The following CLEC16A variants were observed in gnomAD, a reference collection of about 807,000 sequenced individuals.
CLEC16A encodes the protein C-type lectin domain containing 16A, also known as protein CLEC16A.
Under a neutral mutation model 109.5 loss-of-function variants are expected in CLEC16A, and 51 were observed. The observed-to-expected ratio is 0.47, with a 90% CI of 0.37 to 0.59. CLEC16A has a LOEUF of 0.59. Among genes scored for constraint, CLEC16A ranks in the 20% least tolerant of loss-of-function variants. CLEC16A has a pLI of 0.00. For missense variants in CLEC16A, 1,339 were observed against 1,394.0 expected, an observed-to-expected ratio of 0.96 and a Z score of 0.63; for synonymous variants, 673 against 564.2, an observed-to-expected ratio of 1.19 and a Z score of -2.73.
At chr16:11,091,366 G>C (rs774320430) in intron 19 of CLEC16A, among the ~76,000 whole-genome samples, 1 of 152,228 alleles carries the variant, frequency 6.6e-6, no homozygotes, top group Admixed American at 6.5e-5. Flanking sequence ...GGATGCCCCC[G>C]GGTCTGGCCC....
At chr16:11,087,898 C>T (rs193244211) in intron 19 of CLEC16A, among the ~76,000 whole-genome samples, 2 of 152,204 alleles carry the variant, frequency 1.3e-5, no homozygotes, top group African/African-American at 4.8e-5. Flanking sequence ...CAGGAAGTGT[C>T]TGAGAAGCTG....
chr16:11,161,237 G>A (rs2054710678), intron 22 of CLEC16A, among the ~76,000 whole-genome samples: 1 of 152,174 alleles, frequency 6.6e-6, no homozygotes, highest in South Asian at 2.1e-4. Flanking sequence ...GCCCTGCTTA[G>A]GTAGGCCGAC....
chr16:11,134,183 T>A (rs2053420673), intron 22 of CLEC16A, among the ~76,000 whole-genome samples: 1 of 56,018 alleles, frequency 1.8e-5, no homozygotes, highest in South Asian at 5.1e-4. Context: ...CCTTTTCTGA[T>A]TTTTTTTTTT....
intron 22 of CLEC16A, among the ~76,000 whole-genome samples, chr16:11,164,359 A>G (rs2054829457): frequency 6.6e-6 from 1 of 152,202 alleles, no homozygotes; most frequent in African/African-American, 2.4e-5. Context: ...TAAGGAGCTG[A>G]TCTTTAGACG....
intron 13 of CLEC16A, 125 bp from the exon 14 acceptor site, chr16:11,039,629 A>ACTGTTTTT: frequency 1.7e-6 from 2 of 1,162,926 alleles, no homozygotes; most frequent in Non-Finnish European, 2.3e-6. Flanking sequence ...AGAAAAAGGA[A>ACTGTTTTT]AAGAAATCAC....
At chr16:11,085,127 T>G (rs1416232435) in intron 19 of CLEC16A, among the ~76,000 whole-genome samples, 2 of 152,232 alleles carry the variant, frequency 1.3e-5, no homozygotes, top group African/African-American at 4.8e-5. Flanking sequence ...GAAAGGCACC[T>G]CTGTGCCACC....
At chr16:11,170,367 G>C (rs544018756) in intron 23 of CLEC16A, among the ~76,000 whole-genome samples, 22 of 152,314 alleles carry the variant, frequency 1.4e-4, no homozygotes, top group Admixed American at 7.8e-4. Context: ...AGCCCACGTG[G>C]GTTCATCCCA....
At chr16:11,161,576 C>G (rs921981996) in intron 22 of CLEC16A, among the ~76,000 whole-genome samples, 12 of 152,206 alleles carry the variant, frequency 7.9e-5, no homozygotes, top group Non-Finnish European at 1.8e-4. Context: ...AGGGCCTTGA[C>G]TCGAAAGATA....
intron 19 of CLEC16A, among the ~76,000 whole-genome samples, chr16:11,065,279 C>A (rs541010588): frequency 6.6e-6 from 1 of 152,274 alleles, no homozygotes; most frequent in East Asian, 1.9e-4. Context: ...ATTATCCATA[C>A]ACCCCAAAGA....
intron 11 of CLEC16A, among the ~76,000 whole-genome samples, chr16:11,011,034 CTT>C (rs2045378949): frequency 6.6e-6 from 1 of 152,218 alleles, no homozygotes; most frequent in South Asian, 2.1e-4. Context: ...TTCTGTCCCT[CTT>C]GGGTGATGTT....
chr16:11,064,010 G>A (rs2048631689), intron 19 of CLEC16A, among the ~76,000 whole-genome samples: 1 of 150,772 alleles, frequency 6.6e-6, no homozygotes, highest in African/African-American at 2.4e-5. Flanking sequence ...AGGGAAGAGG[G>A]GAGGAACTAG....
intron 20 of CLEC16A, 40 bp downstream of exon 20, chr16:11,120,806 C>A (rs201061352): frequency 5.0e-6 from 7 of 1,399,080 alleles, no homozygotes; most frequent in Admixed American, 2.5e-5. Context: ...TCTCAGTTGG[C>A]TACAAACACA....
chr16:11,126,255 G>T (rs532658064), intron 22 of CLEC16A, 109 bp downstream of exon 22: 1 of 1,562,156 alleles, frequency 6.4e-7, no homozygotes, highest in Non-Finnish European at 8.7e-7. Context: ...CAGAAGCCCC[G>T]TCGGCTGGCA....
intron 19 of CLEC16A, among the ~76,000 whole-genome samples, chr16:11,081,555 C>T (rs2049719768): frequency 6.6e-6 from 1 of 152,146 alleles, no homozygotes; most frequent in Non-Finnish European, 1.5e-5. Flanking sequence ...TCCTCCATGG[C>T]CATCTGACCC....
At chr16:10,999,701 A>T (rs545941758) in intron 10 of CLEC16A, among the ~76,000 whole-genome samples, 1 of 152,346 alleles carries the variant, frequency 6.6e-6, no homozygotes, top group East Asian at 1.9e-4. Context: ...TGAGAAAAGT[A>T]GATCCCTTTG....
chr16:11,105,792 C>A (rs1005070863), intron 19 of CLEC16A, among the ~76,000 whole-genome samples: 1 of 152,166 alleles, frequency 6.6e-6, no homozygotes, highest in Non-Finnish European at 1.5e-5. Flanking sequence ...GACAGCCAAC[C>A]CTTCACACAG....
At chr16:11,152,986 TCTCCA>T (rs896711644) in intron 22 of CLEC16A, among the ~76,000 whole-genome samples, 1 of 151,948 alleles carries the variant, frequency 6.6e-6, no homozygotes, top group Admixed American at 6.6e-5. Flanking sequence ...GAAACCCAAA[TCTCCA>T]CTCCACCCCG....
At chr16:11,101,486 G>T in intron 19 of CLEC16A, among the ~76,000 whole-genome samples, 1 of 152,188 alleles carries the variant, frequency 6.6e-6, no homozygotes, top group South Asian at 2.1e-4. Context: ...CACACTCTGC[G>T]TGTCTTGTTC....
rs190276851 is a variant in CLEC16A, at chr16:11,132,122, G to T, written c.2641+5976G>T. 1.1e-4 allele frequency among the ~76,000 whole-genome samples: 17 copies of T among 152,238 alleles called. No individual in the cohort carries two copies. In the East Asian group the frequency reaches 3.3e-3, roughly 29 times the overall value. ...TAACCACTTGAAAGTGAACAATTCAGTGGCATTTAGAACCTTCCCAAGATT... is the reference window on the plus strand; with the variant it reads ...TAACCACTTGAAAGTGAACAATTCATTGGCATTTAGAACCTTCCCAAGATT... On this transcript the variant is annotated intron_variant, in intron 22 of 23. Coordinates refer to ENST00000409790, the MANE Select transcript of CLEC16A (RefSeq NM_015226.3).
Sources: allele counts gnomAD v4.1 joint callset (sites outside exome capture counted in the v4.1 genomes callset), GRCh38; gene constraint gnomAD v4.1.1; transcripts MANE v1.5; gene names NCBI Gene and HGNC (gene_info 2026-07-23, HGNC 2026-07-21).